NDST4: variants seen among roughly 807,000 people sequenced by gnomAD.
The protein encoded by NDST4 is N-heparan sulfate sulfotransferase 4.
A neutral mutation model predicts 100.8 loss-of-function variants in NDST4; 63 were observed. The ratio of observed to expected loss-of-function variants is 0.62; its 90% CI spans 0.51 to 0.77. NDST4 has a LOEUF of 0.77. Among genes scored for constraint, NDST4 ranks in the 30% least tolerant of loss-of-function variants. NDST4 has a pLI of 0.00. For missense variants in NDST4, 943 were observed against 1,018.4 expected (o/e 0.93, Z 1.01); for synonymous variants, 377 against 361.8 (o/e 1.04, Z -0.48).
chr4:114,994,147 G>A lies in NDST4; in HGVS notation c.979-16873C>T, dbSNP rs375091294. 7.0e-4 allele frequency among the ~76,000 whole-genome samples: 107 copies of A among 151,800 alleles called. 1 individual carries two copies. The highest frequency in any genetic ancestry group is 3.2e-4 in the Non-Finnish European group (22 of 67,884). ...CTTAGTAGCCACTTAGAACTGCTCC[G>A]TGATCTTAGCAAGAAAAAAATAATA... On this transcript the variant is annotated intron_variant, in intron 2 of 13. Coordinates refer to ENST00000264363, the MANE Select transcript of NDST4 (RefSeq NM_022569.3).
chr4:114,876,211 T>C (rs955208247), intron 6 of NDST4, among the ~76,000 whole-genome samples: 2 of 152,204 alleles, frequency 1.3e-5, no homozygotes, highest in African/African-American at 4.8e-5. Context: ...CATTAAATAT[T>C]AGCAGTCGGT....
At chr4:115,021,833 T>C (rs1035268115) in intron 2 of NDST4, among the ~76,000 whole-genome samples, 41 of 151,408 alleles carry the variant, frequency 2.7e-4, no homozygotes, top group Middle Eastern at 3.4e-3. Context: ...TCCACATCTA[T>C]ACACATTCCA....
intron 2 of NDST4, among the ~76,000 whole-genome samples, chr4:114,997,742 T>C (rs1007544784): frequency 1.3e-5 from 2 of 152,070 alleles, no homozygotes; most frequent in African/African-American, 4.8e-5. Context: ...AGGTAATGCA[T>C]TGAAGTGAAT....
At chr4:114,933,436 T>TC (rs1310595496) in intron 6 of NDST4, among the ~76,000 whole-genome samples, 1 of 135,826 alleles carries the variant, frequency 7.4e-6, no homozygotes, top group African/African-American at 2.9e-5. Context: ...CTTTTCCTTT[T>TC]TTTTTTTTTT....
chr4:115,035,694 G>A (rs746673149), intron 2 of NDST4, among the ~76,000 whole-genome samples: 2 of 151,878 alleles, frequency 1.3e-5, no homozygotes, highest in African/African-American at 4.8e-5. Flanking sequence ...TTCTATATGT[G>A]TACCTATATG....
intron 2 of NDST4, among the ~76,000 whole-genome samples, chr4:115,030,989 A>C (rs532664291): frequency 5.9e-5 from 9 of 152,220 alleles, no homozygotes; most frequent in African/African-American, 2.2e-4. Flanking sequence ...TTCTCTTACA[A>C]TGTCATCACC....
At chr4:114,893,456 T>A (rs11944889) in intron 6 of NDST4, among the ~76,000 whole-genome samples, 33,983 of 152,034 alleles carry the variant, frequency 0.22, 5,383 homozygotes, top group African/African-American at 0.45. Context: ...ATGCGATGGT[T>A]TCTCATTGTG....
intron 2 of NDST4, among the ~76,000 whole-genome samples, chr4:115,056,474 G>C (rs895260861): frequency 1.3e-5 from 2 of 152,142 alleles, no homozygotes; most frequent in Non-Finnish European, 2.9e-5. Flanking sequence ...GTTGATTGTA[G>C]ATTATTTTCC....
chr4:114,924,189 T>G (rs1382666304), intron 6 of NDST4, among the ~76,000 whole-genome samples: 3 of 152,090 alleles, frequency 2.0e-5, no homozygotes, highest in Admixed American at 1.3e-4. Flanking sequence ...TGTGGAAAAT[T>G]GAAACAAAAC....
At chr4:115,058,659 T>A (rs998907333) in intron 2 of NDST4, among the ~76,000 whole-genome samples, 5 of 152,086 alleles carry the variant, frequency 3.3e-5, no homozygotes, top group African/African-American at 4.8e-5. Context: ...TAGAACACAA[T>A]GCTTTGAACT....
intron 1 of NDST4, among the ~76,000 whole-genome samples, chr4:115,093,213 T>A (rs77891162): frequency 2.6e-5 from 4 of 152,164 alleles, no homozygotes; most frequent in African/African-American, 9.6e-5. Context: ...CGGTGGCTCA[T>A]GCCTGTAATC....
chr4:114,883,805 G>C (rs1277978048), intron 6 of NDST4, among the ~76,000 whole-genome samples: 2 of 152,084 alleles, frequency 1.3e-5, no homozygotes, highest in African/African-American at 4.8e-5. Context: ...TAGATAATCA[G>C]CAGGCTTTAG....
chr4:114,840,761 C>G (rs1002868421), intron 10 of NDST4, among the ~76,000 whole-genome samples: 2 of 152,102 alleles, frequency 1.3e-5, no homozygotes, highest in Non-Finnish European at 2.9e-5. Context: ...TGGAAGTATA[C>G]TGGTCCGTGC....
Position 114,883,722 on chromosome 4 carries a change from T to C in NDST4, c.1537-12772A>G, listed in dbSNP as rs1431783322. ...TTGACACCAAGGACCAGGAAGACAA[T>C]TTTGACAATTTTTTCATGGAAGGCT... On this transcript the variant is annotated intron_variant, in intron 6 of 13. Coordinates refer to ENST00000264363, the MANE Select transcript of NDST4 (RefSeq NM_022569.3). 3.3e-5 allele frequency among the ~76,000 whole-genome samples: 5 copies of C among 152,168 alleles called. No homozygotes were observed. In the South Asian group the frequency reaches 6.2e-4, roughly 19 times the overall value.
intron 2 of NDST4, among the ~76,000 whole-genome samples, chr4:115,023,226 C>A: frequency 6.6e-6 from 1 of 152,158 alleles, no homozygotes; most frequent in East Asian, 1.9e-4. Flanking sequence ...TTGCTCACAT[C>A]TGTAATCCCA....
chr4:115,111,286 GAA>G (rs1255219764), intron 1 of NDST4, among the ~76,000 whole-genome samples: 1 of 151,810 alleles, frequency 6.6e-6, no homozygotes, highest in Admixed American at 6.6e-5. Context: ...TCCAAGTATA[GAA>G]TGCTTTTCTT....
At chr4:114,836,462 T>C (rs1723307286) in intron 11 of NDST4, among the ~76,000 whole-genome samples, 1 of 152,210 alleles carries the variant, frequency 6.6e-6, no homozygotes, top group Non-Finnish European at 1.5e-5. Context: ...CTCTTCTGGC[T>C]TGTAGGGGTT....
intron 2 of NDST4, among the ~76,000 whole-genome samples, chr4:115,045,647 T>C (rs1005459873): frequency 6.6e-6 from 1 of 152,184 alleles, no homozygotes; most frequent in African/African-American, 2.4e-5. Flanking sequence ...ACCTTTTTCA[T>C]TCTGGAGAGG....
At chr4:114,898,865 T>C (rs1056819594) in intron 6 of NDST4, among the ~76,000 whole-genome samples, 5 of 152,220 alleles carry the variant, frequency 3.3e-5, no homozygotes, top group African/African-American at 4.8e-5. Flanking sequence ...CTTTTGTATA[T>C]TAACTTTGTA....
Sources: gnomAD v4.1 joint callset for allele counts (sites outside exome capture counted in the v4.1 genomes callset) on GRCh38, gnomAD v4.1.1 for gene constraint, MANE v1.5 for transcripts, NCBI Gene and HGNC (gene_info 2026-07-23, HGNC 2026-07-21) for gene names.